The following ITGA6 variants were observed in gnomAD, a reference collection of about 807,000 sequenced individuals.
The protein encoded by ITGA6 is integrin alpha-6.
ITGA6 carries 63 observed loss-of-function variants against 133.6 expected under a neutral mutation model. The ratio of observed to expected loss-of-function variants is 0.47; its 90% CI spans 0.38 to 0.58. The LOEUF is 0.58. Ranked by LOEUF, ITGA6 falls within the 20% of genes least tolerant of loss-of-function variation. ITGA6 has a pLI of 0.00. For synonymous variants in ITGA6, 434 were observed against 482.0 expected (o/e 0.90, Z 1.30); for missense variants, 1,068 against 1,309.4 (o/e 0.82, Z 2.85).
intron 1 of ITGA6, chr2:172,428,558 A>T (rs959456946): frequency 6.6e-6 from 1 of 151,624 alleles, no homozygotes; most frequent in Non-Finnish European, 1.5e-5. Flanking sequence ...AAAAAAAAAA[A>T]AAAAGATGGG....
At chr2:172,480,742 T>C (rs1006549946) in intron 11 of ITGA6, 1 of 152,838 alleles carries the variant, frequency 6.5e-6, no homozygotes, top group African/African-American at 2.4e-5. Context: ...TGAAAAGCAC[T>C]TTGTCATTTA....
intron 5 of ITGA6, 30 bp downstream of exon 5, chr2:172,471,135 C>T: frequency 1.2e-6 from 2 of 1,613,602 alleles, no homozygotes; most frequent in African/African-American, 1.3e-5. Context: ...GCTGCCTTTG[C>T]CCACCTTCTC....
chr2:172,445,122 T>C (rs1435019758), intron 1 of ITGA6, among the ~76,000 whole-genome samples: 1 of 150,964 alleles, frequency 6.6e-6, no homozygotes, highest in African/African-American at 2.4e-5. Flanking sequence ...CCCACCACCA[T>C]GCCTGGCTAA....
chr2:172,428,545 G>GAAAAAAAA, intron 1 of ITGA6: 1 of 84,950 alleles, frequency 1.2e-5, no homozygotes, highest in Non-Finnish European at 2.6e-5. Context: ...ACATGCCTTT[G>GAAAAAAAA]AAAAAAAAAA....
At position 172,453,148 on chromosome 2, in the gene ITGA6, T is replaced by A. The variant is rs2178472; in HGVS notation, c.183-12391T>A. ...GCTGGCATTTCTACATCACTTTTAC[T>A]CAGAGATTTGCAGACAAAACTTTTT... is the stretch of plus-strand genomic sequence containing the variant. On this transcript the variant is annotated intron_variant, in intron 1 of 25. Transcript: ENST00000684293. 5.1e-3 allele frequency among the ~76,000 whole-genome samples: 784 copies of A among 152,264 alleles called. 4 individuals carry two copies. The highest frequency in any genetic ancestry group is 0.017 in the Middle Eastern group (5 of 294).
chr2:172,472,156 T>C (rs1190359084), intron 5 of ITGA6, among the ~76,000 whole-genome samples: 6 of 152,158 alleles, frequency 3.9e-5, no homozygotes, highest in Non-Finnish European at 8.8e-5. Flanking sequence ...ACCCCTTCTC[T>C]ACTAAAAATA....
At chr2:172,456,827 T>A (rs1393150247) in intron 1 of ITGA6, among the ~76,000 whole-genome samples, 3 of 152,238 alleles carry the variant, frequency 2.0e-5, no homozygotes, top group Non-Finnish European at 2.9e-5. Context: ...TCTCCTTGTA[T>A]TTGAACATTA....
At chr2:172,460,401 G>A (rs1031591103) in intron 1 of ITGA6, among the ~76,000 whole-genome samples, 7 of 152,128 alleles carry the variant, frequency 4.6e-5, no homozygotes, top group African/African-American at 9.7e-5. Context: ...GGAAAATAGA[G>A]GTTTAAATCT....
intron 25 of ITGA6, 91 bp downstream of exon 25, chr2:172,501,992 C>T: frequency 8.9e-7 from 1 of 1,127,338 alleles, no homozygotes; most frequent in Non-Finnish European, 1.3e-6. Flanking sequence ...TATGTGTGTC[C>T]CATTAACAGA....
intron 4 of ITGA6, among the ~76,000 whole-genome samples, chr2:172,469,805 C>G (rs1178473076): frequency 6.6e-6 from 1 of 152,110 alleles, no homozygotes; most frequent in African/African-American, 2.4e-5. Context: ...ATGGACATTT[C>G]TCTCTGTATA....
In ITGA6 at chr2:172,474,936, G is replaced by A; in HGVS notation, c.994G>A (p.Asp332Asn). Residue 332 changes from aspartate (D) to asparagine (N), a missense_variant, in exon 7 of 26, where the codon GAT (aspartate) becomes AAT (asparagine). By Grantham distance (23) the Asp-to-Asn change is conservative. This residue lies in a region of ITGA6 where 317 missense variants were observed against 456.9 expected (regional missense o/e 0.69). Transcript: ENST00000684293. ...CCCTCATTATGTTTTTAGGTGGCAA[G>A]ATATAGTTATTGGAGCCCCACAGTA... ...VVDLNKDGWQ[D>N]IVIGAPQYFD... 1 of 1,542,940 alleles carries A rather than the reference G, an allele frequency of 6.5e-7. No homozygotes were observed. Among genetic ancestry groups the A allele is most frequent in the Non-Finnish European group, 9.0e-7 (1 of 1,115,134 alleles).
At chr2:172,462,688 G>A (rs1685481335) in intron 1 of ITGA6, among the ~76,000 whole-genome samples, 1 of 152,144 alleles carries the variant, frequency 6.6e-6, no homozygotes. Context: ...TAGAGGCTGA[G>A]GGAAGCCAAC....
At position 172,491,152 on chromosome 2, in the gene ITGA6, T is replaced by G; in HGVS notation, c.2778+30T>G. ...GTATTTTTCAAGAGCTGTGAATATT[T>G]GAGAGGATGAGGGGAAGGATTTCTT... On this transcript the variant is annotated intron_variant, in intron 21 of 25. Transcript: ENST00000684293. This position sits in a 1 kb window ranked among gnomAD's most constrained non-coding sequence, Gnocchi z 4.4. 7.1e-7 allele frequency: 1 copy of G among 1,412,162 alleles called. No individual in the cohort carries two copies. Among genetic ancestry groups the G allele is most frequent in the Non-Finnish European group, 1.0e-6 (1 of 995,802 alleles). 87.5% of individuals were successfully genotyped at this position (1,412,162 alleles called of 1,614,324 possible). A position where few individuals can be genotyped will look rare whatever the true frequency, so the allele number is the denominator to read the frequency against.
intron 11 of ITGA6, among the ~76,000 whole-genome samples, chr2:172,481,566 C>T (rs2149060203): frequency 6.6e-6 from 1 of 152,214 alleles, no homozygotes; most frequent in Non-Finnish European, 1.5e-5. Context: ...ACCTGATTCT[C>T]AGTGTCATAA....
At chr2:172,480,077 T>C in intron 11 of ITGA6, 26 bp downstream of exon 11, 2 of 1,331,956 alleles carry the variant, frequency 1.5e-6, no homozygotes, top group Non-Finnish European at 1.1e-6. Flanking sequence ...CTTTAAAATA[T>C]GTCTACTTTC....
intron 13 of ITGA6, among the ~76,000 whole-genome samples, chr2:172,485,520 A>G (rs532062336): frequency 1.1e-4 from 17 of 152,158 alleles, no homozygotes; most frequent in Non-Finnish European, 2.2e-4. Context: ...CGAGACTATA[A>G]ATGGTAGAGC....
intron 23 of ITGA6, among the ~76,000 whole-genome samples, chr2:172,494,875 A>G (rs1292102488): frequency 6.6e-6 from 1 of 152,208 alleles, no homozygotes; most frequent in South Asian, 2.1e-4. Flanking sequence ...CTGGCTGTCA[A>G]AATTTTTTTT....
chr2:172,486,740 T>C (rs1162889257), intron 13 of ITGA6, among the ~76,000 whole-genome samples: 2 of 152,168 alleles, frequency 1.3e-5, no homozygotes, highest in Non-Finnish European at 2.9e-5. Flanking sequence ...GCTAGCTAAG[T>C]AAGGGGTAGA....
rs998978350 is a variant in ITGA6, at chr2:172,465,422, G to C, written c.183-117G>C. 4.0e-6 allele frequency: 5 copies of C among 1,241,078 alleles called. No homozygotes were observed. The African/African-American group carries it at 7.4e-5, about 18-fold the overall frequency. The allele number at this position is 1,241,078 out of a possible 1,614,324, so 76.9% of individuals were successfully genotyped here. A position where few individuals can be genotyped will look rare whatever the true frequency, so the allele number is the denominator to read the frequency against. On this transcript the variant is annotated intron_variant, in intron 1 of 25. Coordinates refer to ENST00000684293, the MANE Select transcript of ITGA6 (RefSeq NM_000210.4). ...GTTCTCACTCACTGCCTAAGCTGTT[G>C]AAGAATTAGTGGACTCCTAGACAAA...
Sources: allele counts gnomAD v4.1 joint callset (sites outside exome capture counted in the v4.1 genomes callset), GRCh38; gene constraint gnomAD v4.1.1; regional missense constraint gnomAD v4.1.1; non-coding constraint Gnocchi (gnomAD v3.1); transcripts MANE v1.5; gene names NCBI Gene and HGNC (gene_info 2026-07-23, HGNC 2026-07-21).